ZNF804A: variants seen among roughly 807,000 people sequenced by gnomAD.
The protein encoded by ZNF804A is zinc finger protein 804A.
A neutral mutation model predicts 16.5 loss-of-function variants in ZNF804A; 2 were observed. That is an observed-to-expected ratio of 0.12 (90% confidence interval 0.05 to 0.38). The LOEUF (loss-of-function observed/expected upper bound fraction) is 0.38. ZNF804A is among the 10% of genes least tolerant of loss of function. The pLI, the probability that ZNF804A is intolerant of heterozygous loss-of-function variation, is 0.99. For synonymous variants in ZNF804A, 534 were observed against 489.6 expected (o/e 1.09, Z -1.20); for missense variants, 1,473 against 1,390.7 (o/e 1.06, Z -0.94).
In ZNF804A at chr2:184,893,884, G is replaced by A. The variant is rs1016552853; in HGVS notation, c.255+27372G>A. Among the ~76,000 whole-genome samples, 13 of 152,038 alleles carry A rather than the reference G, an allele frequency of 8.6e-5. No individual in the cohort carries two copies. In the South Asian group the frequency reaches 1.4e-3, roughly 17 times the overall value. On this transcript the variant is annotated intron_variant, in intron 2 of 3. Transcript: ENST00000302277. ...TGGAGCAGTGTCTAATTGATACATG[G>A]TAACTGATTCTGTAACTCCATACTT... is the stretch of plus-strand genomic sequence containing the variant.
chr2:184,810,815 G>A (rs983899632), intron 1 of ZNF804A, among the ~76,000 whole-genome samples: 2 of 151,968 alleles, frequency 1.3e-5, no homozygotes, highest in Non-Finnish European at 2.9e-5. Context: ...TCATGAGATT[G>A]ATCAAATACA....
At chr2:184,769,335 A>G (rs946704838) in intron 1 of ZNF804A, among the ~76,000 whole-genome samples, 3 of 152,072 alleles carry the variant, frequency 2.0e-5, no homozygotes, top group Non-Finnish European at 4.4e-5. Flanking sequence ...GCTTTATTTC[A>G]TGCCATTATT....
At position 184,892,109 on chromosome 2, in the gene ZNF804A, G is replaced by T. The variant is rs540661488; in HGVS notation, c.255+25597G>T. Among the ~76,000 whole-genome samples, 7 of 152,162 alleles carry T rather than the reference G, an allele frequency of 4.6e-5. No individual in the cohort carries two copies. The Middle Eastern group carries it at 0.01, about 222-fold the overall frequency. ...ACTTGCCTTACTTCTCTTCATCAATGTTTATTTTATAATTATTAGTTTTGA... is the reference window on the plus strand; with the variant it reads ...ACTTGCCTTACTTCTCTTCATCAATTTTTATTTTATAATTATTAGTTTTGA... On this transcript the variant is annotated intron_variant, in intron 2 of 3. Transcript: ENST00000302277.
At chr2:184,935,708 A>G in intron 3 of ZNF804A, 75 bp from the exon 4 acceptor site, 1 of 1,453,492 alleles carries the variant, frequency 6.9e-7, no homozygotes, top group South Asian at 1.5e-5. Flanking sequence ...ATGACTTTTT[A>G]AAGATGAAAA....
At chr2:184,761,189 T>C (rs1020908654) in intron 1 of ZNF804A, among the ~76,000 whole-genome samples, 4 of 152,182 alleles carry the variant, frequency 2.6e-5, no homozygotes, top group African/African-American at 9.7e-5. Flanking sequence ...CTGTGATTTC[T>C]ATAGAAATTT....
intron 1 of ZNF804A, among the ~76,000 whole-genome samples, chr2:184,682,479 A>T (rs1169519942): frequency 6.6e-6 from 1 of 151,900 alleles, no homozygotes; most frequent in Non-Finnish European, 1.5e-5. Flanking sequence ...TTTTTTTGTG[A>T]CTTTTTTTTG....
chr2:184,670,765 T>A (rs538068191), intron 1 of ZNF804A, among the ~76,000 whole-genome samples: 1 of 152,250 alleles, frequency 6.6e-6, no homozygotes, highest in Non-Finnish European at 1.5e-5. Context: ...AAAGACATCT[T>A]CTATTGTTTA....
intron 1 of ZNF804A, among the ~76,000 whole-genome samples, chr2:184,647,694 A>G (rs1364160698): frequency 6.6e-6 from 1 of 152,224 alleles, no homozygotes; most frequent in Non-Finnish European, 1.5e-5. Flanking sequence ...CAAAGAAAAA[A>G]TGTTTTTAAA....
intron 1 of ZNF804A, among the ~76,000 whole-genome samples, chr2:184,620,805 T>A (rs1691405335): frequency 6.6e-6 from 1 of 151,776 alleles, no homozygotes; most frequent in Admixed American, 6.6e-5. Context: ...TAGTAATTAC[T>A]TGATTGATTT....
chr2:184,631,720 C>A (rs1229551737), intron 1 of ZNF804A, among the ~76,000 whole-genome samples: 1 of 152,094 alleles, frequency 6.6e-6, no homozygotes, highest in Non-Finnish European at 1.5e-5. Context: ...ATGTTGATGT[C>A]TAATTTTAAC....
chr2:184,763,489 T>A (rs1462870744), intron 1 of ZNF804A, among the ~76,000 whole-genome samples: 13 of 151,954 alleles, frequency 8.6e-5, no homozygotes, highest in Admixed American at 8.5e-4. Context: ...TCATATTCTT[T>A]CCAAACCATC....
At chr2:184,612,307 T>G (rs1297696267) in intron 1 of ZNF804A, among the ~76,000 whole-genome samples, 1 of 152,194 alleles carries the variant, frequency 6.6e-6, no homozygotes, top group East Asian at 1.9e-4. Flanking sequence ...TAAAATTTAA[T>G]GGAATTTTCT....
intron 1 of ZNF804A, among the ~76,000 whole-genome samples, chr2:184,766,531 G>A (rs958785481): frequency 1.3e-5 from 2 of 151,324 alleles, no homozygotes; most frequent in East Asian, 3.9e-4. Flanking sequence ...TTGAGTACTT[G>A]GAAACTAATA....
intron 2 of ZNF804A, among the ~76,000 whole-genome samples, chr2:184,869,388 A>G (rs1298449700): frequency 6.6e-6 from 1 of 152,014 alleles, no homozygotes; most frequent in Non-Finnish European, 1.5e-5. Flanking sequence ...CAGAGATATG[A>G]TACCAAGGGC....
At chr2:184,762,812 C>T (rs1185106232) in intron 1 of ZNF804A, among the ~76,000 whole-genome samples, 7 of 151,692 alleles carry the variant, frequency 4.6e-5, no homozygotes, top group South Asian at 4.2e-4. Flanking sequence ...TCAATATTGC[C>T]GTTATTTCTA....
chr2:184,770,562 C>T (rs779065653), intron 1 of ZNF804A, among the ~76,000 whole-genome samples: 2 of 132,132 alleles, frequency 1.5e-5, no homozygotes, highest in Non-Finnish European at 2.9e-5. Context: ...CATTTATGTT[C>T]TTTATGAAAG....
chr2:184,705,071 C>A (rs1305954576), intron 1 of ZNF804A, among the ~76,000 whole-genome samples: 3 of 152,106 alleles, frequency 2.0e-5, no homozygotes, highest in Non-Finnish European at 4.4e-5. Flanking sequence ...TTAGATTGCA[C>A]CTGTTTGAGG....
At chr2:184,704,655 T>G (rs963329623) in intron 1 of ZNF804A, among the ~76,000 whole-genome samples, 2 of 152,184 alleles carry the variant, frequency 1.3e-5, no homozygotes, top group African/African-American at 4.8e-5. Context: ...TTAATAGAAT[T>G]TTTTGAAGAC....
intron 1 of ZNF804A, among the ~76,000 whole-genome samples, chr2:184,752,680 A>G (rs180786182): frequency 1.3e-5 from 2 of 151,834 alleles, no homozygotes; most frequent in Non-Finnish European, 3.0e-5. Flanking sequence ...ATAGTTGCAA[A>G]TCAGAGCTGA....
Sources: allele counts gnomAD v4.1 joint callset (sites outside exome capture counted in the v4.1 genomes callset), GRCh38; gene constraint gnomAD v4.1.1; transcripts MANE v1.5; gene names NCBI Gene and HGNC (gene_info 2026-07-23, HGNC 2026-07-21).